Variants in MTRFR observed in about 807,000 individuals in gnomAD.
The protein encoded by MTRFR is mitochondrial translation release factor in rescue.
Under a neutral mutation model 11.9 loss-of-function variants are expected in MTRFR, and 10 were observed. The ratio of observed to expected loss-of-function variants is 0.84; its 90% CI spans 0.52 to 1.42. MTRFR has a LOEUF of 1.42. Among genes scored for constraint, MTRFR ranks in the 40% most tolerant of loss-of-function variants. MTRFR has a pLI of 0.00. For missense variants in MTRFR, 196 were observed against 197.9 expected (o/e 0.99, Z 0.06); for synonymous variants, 77 against 79.1 (o/e 0.97, Z 0.14).
intron 1 of MTRFR, among the ~76,000 whole-genome samples, chr12:123,235,438 C>T (rs1025697122): frequency 6.6e-6 from 1 of 152,004 alleles, no homozygotes; most frequent in African/African-American, 2.4e-5. Flanking sequence ...GAGCTCAGCT[C>T]ACTGCAAGCT....
chr12:123,253,537 C>A, intron 1 of MTRFR, 110 bp from the exon 2 acceptor site: 2 of 1,057,698 alleles, frequency 1.9e-6, no homozygotes, highest in Non-Finnish European at 2.9e-6. Context: ...CCCTCGGTAA[C>A]AGATGGGTCA....
At chr12:123,254,872 T>C (rs961757290) in intron 2 of MTRFR, 3 of 151,378 alleles carry the variant, frequency 2.0e-5, no homozygotes, top group African/African-American at 7.3e-5. Context: ...GAGGCAGACA[T>C]TGCAGTGAGC....
chr12:123,237,763 A>G (rs1022247199), intron 1 of MTRFR, among the ~76,000 whole-genome samples: 2 of 152,156 alleles, frequency 1.3e-5, no homozygotes, highest in African/African-American at 4.8e-5. Flanking sequence ...AGCAATACTC[A>G]CTGGTTCCAT....
At position 123,257,054 on chromosome 12, in the gene MTRFR, T is replaced by G. The variant is rs1197717376; in HGVS notation, c.*23T>G. The G allele has an allele frequency of 6.4e-7, 1 of 1,566,274 alleles. No homozygotes were observed. The highest frequency in any genetic ancestry group is 1.7e-5 in the Admixed American group (1 of 59,716). The stretch of plus-strand genomic sequence containing the variant: ...TGAGAAAAGAATTAGAGATTCCAAC[T>G]GACAGAATCTGCCAGAAGCTCCCAG... On this transcript the variant is annotated 3_prime_UTR_variant, in exon 3 of 3. Transcript: ENST00000253233.
chr12:123,253,735 TG>T lies in MTRFR; in HGVS notation c.65del (p.Gly22AspfsTer8). ...ACTGACCCGAATATGCCCGGCGCCATGGGGACTCCGGCTTTGGGAGAAGCTG... is the reference window on the plus strand; with the variant it reads ...ACTGACCCGAATATGCCCGGCGCCATGGGACTCCGGCTTTGGGAGAAGCTG... ...TPLTRICPAPWGLRLWEKLTL... is the reference protein window; with the variant it reads ...TPLTRICPAPXGLRLWEKLTL... On this transcript the variant is annotated frameshift_variant, in exon 2 of 3. Coordinates refer to ENST00000253233, the MANE Select transcript of MTRFR (RefSeq NM_152269.5). LOFTEE classifies it high-confidence loss of function. The T allele has an allele frequency of 6.2e-7, 1 of 1,614,160 alleles. No individual in the cohort carries two copies. Among genetic ancestry groups the T allele is most frequent in the East Asian group, 2.2e-5 (1 of 44,882 alleles).
At chr12:123,235,147 A>G (rs1431576972) in intron 1 of MTRFR, among the ~76,000 whole-genome samples, 1 of 152,208 alleles carries the variant, frequency 6.6e-6, no homozygotes, top group Non-Finnish European at 1.5e-5. Context: ...ACATGCTCCC[A>G]TTTAGTGACC....
intron 1 of MTRFR, among the ~76,000 whole-genome samples, chr12:123,244,195 G>C (rs2047997380): frequency 6.6e-6 from 1 of 152,184 alleles, no homozygotes; most frequent in African/African-American, 2.4e-5. Context: ...CACTTTGGGA[G>C]GCTGAGGCTG....
chr12:123,238,244 A>G (rs2047881161), intron 1 of MTRFR, among the ~76,000 whole-genome samples: 1 of 152,140 alleles, frequency 6.6e-6, no homozygotes, highest in East Asian at 1.9e-4. Flanking sequence ...TTTGTCAGAA[A>G]ATCATTTTCC....
At chr12:123,238,498 T>G (rs551478192) in intron 1 of MTRFR, among the ~76,000 whole-genome samples, 1 of 152,182 alleles carries the variant, frequency 6.6e-6, no homozygotes, top group African/African-American at 2.4e-5. Context: ...ATGCTGGGCA[T>G]GGTGGCTCAT....
At chr12:123,245,818 G>A (rs1463568119) in intron 1 of MTRFR, among the ~76,000 whole-genome samples, 2 of 152,176 alleles carry the variant, frequency 1.3e-5, no homozygotes, top group Non-Finnish European at 1.5e-5. Context: ...AGTCCTTAGG[G>A]TTTTCAAGGT....
chr12:123,246,167 C>T (rs1490543944), intron 1 of MTRFR, among the ~76,000 whole-genome samples: 4 of 151,946 alleles, frequency 2.6e-5, no homozygotes, highest in African/African-American at 9.7e-5. Context: ...AAGCGGTTCT[C>T]CTGCCTCAGC....
At chr12:123,235,800 A>C (rs971374056) in intron 1 of MTRFR, among the ~76,000 whole-genome samples, 2 of 151,692 alleles carry the variant, frequency 1.3e-5, no homozygotes, top group Admixed American at 6.6e-5. Context: ...GTGGTGGCTC[A>C]TGCCTGTACT....
rs750994936 is a variant in MTRFR, at chr12:123,256,819, C to G, written c.289C>G (p.Gln97Glu). The G allele has an allele frequency of 1.2e-6, 2 of 1,610,924 alleles. No individual in the cohort carries two copies. Among genetic ancestry groups the G allele is most frequent in the Non-Finnish European group, 1.7e-6 (2 of 1,177,334 alleles). ...IPSGIVVKCH[Q>E]TRSVDQNRKL... is the part of the protein sequence containing the mutation. ...AAAATATTATCTCTTACAGTGCCAT[C>G]AGACAAGATCAGTTGATCAGAACAG... is the stretch of plus-strand genomic sequence containing the variant. Residue 97 changes from glutamine (Q) to glutamate (E), a missense_variant, in exon 3 of 3, where the codon CAG (glutamine) becomes GAG (glutamate). Gln to Glu is a conservative substitution (Grantham distance 29, BLOSUM62 2). Coordinates refer to ENST00000253233, the MANE Select transcript of MTRFR (RefSeq NM_152269.5).
At chr12:123,246,150 C>T (rs1368231878) in intron 1 of MTRFR, among the ~76,000 whole-genome samples, 1 of 152,028 alleles carries the variant, frequency 6.6e-6, no homozygotes, top group African/African-American at 2.4e-5. Context: ...CTCCGCCTCC[C>T]AGGTTCAAGC....
chr12:123,254,933 T>TA (rs113751411), intron 2 of MTRFR: 5,060 of 139,698 alleles, frequency 0.036, 115 homozygotes, highest in South Asian at 0.1. Flanking sequence ...GATTCCCTCT[T>TA]AAAAAAAAAA....
At chr12:123,233,735 G>C (rs912283633) in intron 1 of MTRFR, 1 of 152,288 alleles carries the variant, frequency 6.6e-6, no homozygotes. Context: ...CCTGGTTTAC[G>C]CTAGGTGCTG....
In MTRFR at chr12:123,244,959, T is replaced by TTTTTTC. The variant is rs1355776573; in HGVS notation, c.-28-8687_-28-8686insTTTTCT. ...TTTTTTTTTTTTTTTTTTTTTTTTT[T>TTTTTTC]TAGACAGAGTCTTACTCTTGTCACC... On this transcript the variant is annotated intron_variant, in intron 1 of 2. Coordinates refer to ENST00000253233, the MANE Select transcript of MTRFR (RefSeq NM_152269.5). Among the ~76,000 whole-genome samples the TTTTTTC allele has an allele frequency of 4.7e-4, 45 of 96,328 alleles. 1 individual carries two copies. Among genetic ancestry groups the TTTTTTC allele is most frequent in the African/African-American group, 1.1e-3 (37 of 32,620 alleles). 63.2% of individuals were successfully genotyped at this position (96,328 alleles called of 152,430 possible). A position where few individuals can be genotyped will look rare whatever the true frequency, so the allele number is the denominator to read the frequency against.
chr12:123,250,788 A>G (rs1052927540), intron 1 of MTRFR: 7 of 152,174 alleles, frequency 4.6e-5, no homozygotes, highest in African/African-American at 1.7e-4. Context: ...TGGTGGGTTA[A>G]TGGTCTATTT....
At chr12:123,238,221 T>C (rs2047880807) in intron 1 of MTRFR, among the ~76,000 whole-genome samples, 1 of 152,156 alleles carries the variant, frequency 6.6e-6, no homozygotes, top group Non-Finnish European at 1.5e-5. Context: ...ACATGAATTA[T>C]TATTATTAAG....
Sources: gnomAD v4.1 joint callset for allele counts (sites outside exome capture counted in the v4.1 genomes callset) on GRCh38, gnomAD v4.1.1 for gene constraint, MANE v1.5 for transcripts, NCBI Gene and HGNC (gene_info 2026-07-23, HGNC 2026-07-21) for gene names.